Variants in MACROD2 observed in about 807,000 individuals in gnomAD.
The protein encoded by MACROD2 is ADP-ribose glycohydrolase MACROD2.
A neutral mutation model predicts 70.4 loss-of-function variants in MACROD2; 36 were observed. That is an observed-to-expected ratio of 0.51 (90% CI 0.39 to 0.68). The LOEUF is 0.68. MACROD2 is among the 30% of genes least tolerant of loss of function. The probability of loss-of-function intolerance (pLI) is 0.00; values close to 1 mark genes in which losing one functional copy is unlikely to be tolerated. For missense variants in MACROD2, 496 were observed against 538.4 expected (o/e 0.92, Z 0.78); for synonymous variants, 172 against 178.8 (o/e 0.96, Z 0.30).
At chr20:15,907,681 A>G (rs904783494) in intron 10 of MACROD2, among the ~76,000 whole-genome samples, 2 of 152,192 alleles carry the variant, frequency 1.3e-5, no homozygotes, top group African/African-American at 4.8e-5. Context: ...GTGAGTGTGG[A>G]CAGTCATTTT....
At chr20:15,987,180 C>T (rs1483144837) in intron 15 of MACROD2, 22 bp downstream of exon 15, 3 of 1,564,094 alleles carry the variant, frequency 1.9e-6, no homozygotes, top group African/African-American at 1.4e-5. Context: ...CTTAAATTAA[C>T]CCATCAAGAA....
chr20:15,709,228 T>A (rs2050588108), intron 8 of MACROD2, among the ~76,000 whole-genome samples: 1 of 152,182 alleles, frequency 6.6e-6, no homozygotes, highest in South Asian at 2.1e-4. Flanking sequence ...GTGGTGGCCC[T>A]GCAGATGGCG....
chr20:14,400,063 C>CCTT (rs57501228), intron 3 of MACROD2, among the ~76,000 whole-genome samples: 147,889 of 152,148 alleles, frequency 0.97, 72,007 homozygotes, highest in East Asian at 1. Context: ...TAATTTTTCT[C>CCTT]CTTGTAGGTT....
intron 10 of MACROD2, among the ~76,000 whole-genome samples, chr20:15,915,975 C>T (rs1245310009): frequency 6.6e-6 from 1 of 152,012 alleles, no homozygotes; most frequent in Non-Finnish European, 1.5e-5. Flanking sequence ...ATACACTAAG[C>T]TGGATCATGA....
At chr20:15,840,641 T>C (rs2064160206) in intron 8 of MACROD2, among the ~76,000 whole-genome samples, 1 of 152,148 alleles carries the variant, frequency 6.6e-6, no homozygotes, top group Non-Finnish European at 1.5e-5. Context: ...CATTGTGACA[T>C]CTTAAAATTT....
intron 6 of MACROD2, among the ~76,000 whole-genome samples, chr20:15,266,742 G>T (rs1364346574): frequency 6.6e-6 from 1 of 152,214 alleles, no homozygotes; most frequent in African/African-American, 2.4e-5. Flanking sequence ...GACCTCCCAT[G>T]AATTGTATGT....
intron 7 of MACROD2, among the ~76,000 whole-genome samples, chr20:15,452,686 G>A (rs1223318040): frequency 6.6e-6 from 1 of 152,068 alleles, no homozygotes; most frequent in African/African-American, 2.4e-5. Context: ...TGGCATTCAC[G>A]GCTCTGCCAT....
intron 5 of MACROD2, among the ~76,000 whole-genome samples, chr20:15,084,129 G>A (rs368590962): frequency 3.4e-5 from 5 of 146,284 alleles, no homozygotes; most frequent in Admixed American, 7.0e-5. Context: ...GCAGTGGCGC[G>A]ATCTGGACTC....
chr20:15,446,001 A>G (rs2146383624), intron 7 of MACROD2, among the ~76,000 whole-genome samples: 1 of 152,290 alleles, frequency 6.6e-6, no homozygotes. Context: ...CAGCATTAAT[A>G]TACACCTTCT....
intron 5 of MACROD2, among the ~76,000 whole-genome samples, chr20:15,086,267 A>G (rs1000065149): frequency 2.6e-5 from 4 of 152,314 alleles, no homozygotes; most frequent in African/African-American, 9.6e-5. Flanking sequence ...GCAAATTGTA[A>G]CTAGTTTAAA....
intron 8 of MACROD2, among the ~76,000 whole-genome samples, chr20:15,836,492 C>T (rs1265115598): frequency 6.6e-6 from 1 of 152,144 alleles, no homozygotes; most frequent in Non-Finnish European, 1.5e-5. Flanking sequence ...ATACAATTCT[C>T]TCCAGATATA....
intron 4 of MACROD2, among the ~76,000 whole-genome samples, chr20:14,601,346 T>A (rs1162052852): frequency 1.3e-5 from 2 of 152,070 alleles, no homozygotes; most frequent in Non-Finnish European, 1.5e-5. Flanking sequence ...GGGTTAGTGC[T>A]CCTATGAAAA....
intron 5 of MACROD2, among the ~76,000 whole-genome samples, chr20:14,756,019 C>T (rs1352274687): frequency 1.3e-5 from 2 of 151,928 alleles, no homozygotes; most frequent in African/African-American, 4.8e-5. Context: ...AAATACTTTC[C>T]CTTATCCTTG....
At chr20:14,946,597 T>TCA (rs906771748) in intron 5 of MACROD2, among the ~76,000 whole-genome samples, 49 of 152,152 alleles carry the variant, frequency 3.2e-4, no homozygotes, top group African/African-American at 9.7e-4. Context: ...TTTCACTTTA[T>TCA]GTTGAGATGT....
chr20:15,192,790 G>A (rs2076580459), intron 5 of MACROD2, among the ~76,000 whole-genome samples: 2 of 152,186 alleles, frequency 1.3e-5, no homozygotes, highest in African/African-American at 4.8e-5. Context: ...AAACAGCAGA[G>A]GGTTCTAGGA....
chr20:14,508,798 CAT>C (rs1254388647), intron 4 of MACROD2, among the ~76,000 whole-genome samples: 2 of 152,098 alleles, frequency 1.3e-5, no homozygotes, highest in Non-Finnish European at 2.9e-5. Flanking sequence ...GTGAATTGTT[CAT>C]ATGTTTACCA....
intron 13 of MACROD2, 80 bp from the exon 14 acceptor site, chr20:15,986,647 C>T: frequency 1.8e-6 from 2 of 1,081,624 alleles, no homozygotes; most frequent in Non-Finnish European, 1.4e-6. Flanking sequence ...ATGATTAAAG[C>T]ACGGTTTCTG....
intron 3 of MACROD2, among the ~76,000 whole-genome samples, chr20:14,296,758 C>T (rs763716599): frequency 6.6e-6 from 1 of 151,998 alleles, no homozygotes; most frequent in Non-Finnish European, 1.5e-5. Flanking sequence ...TGTTCTTTGC[C>T]TTCACCTGGG....
chr20:14,922,749 C>T (rs1231341322), intron 5 of MACROD2, among the ~76,000 whole-genome samples: 1 of 152,142 alleles, frequency 6.6e-6, no homozygotes, highest in East Asian at 1.9e-4. Flanking sequence ...GCCATGCAAT[C>T]TGTCTTTCCA....
Sources: allele counts gnomAD v4.1 joint callset (sites outside exome capture counted in the v4.1 genomes callset), GRCh38; gene constraint gnomAD v4.1.1; transcripts MANE v1.5; gene names NCBI Gene and HGNC (gene_info 2026-07-23, HGNC 2026-07-21).